XKR4: variants seen among roughly 807,000 people sequenced by gnomAD.
XKR4 encodes the protein XK related 4, also known as XK-related protein 4.
A neutral mutation model predicts 53.9 loss-of-function variants in XKR4; 12 were observed. The ratio of observed to expected loss-of-function variants is 0.22; its 90% CI spans 0.14 to 0.36. The LOEUF (loss-of-function observed/expected upper bound fraction) is 0.36. Among genes scored for constraint, XKR4 ranks in the 10% least tolerant of loss-of-function variants. The probability of loss-of-function intolerance (pLI) is 1.00; values close to 1 mark genes in which losing one functional copy is unlikely to be tolerated. For missense variants in XKR4, 799 were observed against 859.5 expected (o/e 0.93, Z 0.88); for synonymous variants, 354 against 362.4 (o/e 0.98, Z 0.26).
rs1319700613 is a variant in XKR4, at chr8:55,420,812, A to AAATAAATAAATAAATAAATAAAT, written c.1006+62949_1006+62950insTAAATAAATAATAAATAAATAAA. Among the ~76,000 whole-genome samples the AAATAAATAAATAAATAAATAAAT allele has an allele frequency of 1.6e-4, 24 of 151,714 alleles. 1 individual carries two copies. In the South Asian group the frequency reaches 5.0e-3, roughly 32 times the overall value. ...ATAATAAATAGATAAATAAATAAAT[A>AAATAAATAAATAAATAAATAAAT]AATAAATAAATAAAAAAGAAAGATC... On this transcript the variant is annotated intron_variant, in intron 2 of 2. Coordinates refer to ENST00000327381, the MANE Select transcript of XKR4 (RefSeq NM_052898.2).
intron 1 of XKR4, among the ~76,000 whole-genome samples, chr8:55,247,133 G>T (rs554490256): frequency 6.6e-6 from 1 of 152,166 alleles, no homozygotes; most frequent in Non-Finnish European, 1.5e-5. Flanking sequence ...CCAAAGAGGA[G>T]AAATTAGGTT....
chr8:55,187,908 T>C (rs1180127399), intron 1 of XKR4, among the ~76,000 whole-genome samples: 1 of 152,240 alleles, frequency 6.6e-6, no homozygotes, highest in African/African-American at 2.4e-5. Flanking sequence ...CGATTAATTA[T>C]ATAAACCATT....
chr8:55,291,925 A>G (rs777917522), intron 1 of XKR4, among the ~76,000 whole-genome samples: 3 of 152,128 alleles, frequency 2.0e-5, no homozygotes, highest in Non-Finnish European at 4.4e-5. Flanking sequence ...AATGCTTTTT[A>G]TGAATAATTT....
At chr8:55,154,367 C>T (rs911252764) in intron 1 of XKR4, among the ~76,000 whole-genome samples, 2 of 152,148 alleles carry the variant, frequency 1.3e-5, no homozygotes, top group Non-Finnish European at 2.9e-5. Context: ...TGATGCTTTC[C>T]ATATAATATC....
intron 1 of XKR4, among the ~76,000 whole-genome samples, chr8:55,250,784 C>T (rs1818352052): frequency 6.6e-6 from 1 of 152,190 alleles, no homozygotes; most frequent in South Asian, 2.1e-4. Context: ...GAAGTGAAGA[C>T]AACACTTAAA....
chr8:55,359,952 C>T (rs558000709), intron 2 of XKR4, among the ~76,000 whole-genome samples: 2 of 152,268 alleles, frequency 1.3e-5, no homozygotes, highest in South Asian at 2.1e-4. Context: ...GACACATATA[C>T]GTCAGGTGTA....
chr8:55,339,156 G>A (rs1027606911), intron 1 of XKR4, among the ~76,000 whole-genome samples: 2 of 152,146 alleles, frequency 1.3e-5, no homozygotes, highest in African/African-American at 2.4e-5. Flanking sequence ...CTGGAAACGC[G>A]AGGCTGTTTG....
chr8:55,538,879 C>T lies in XKR4; in HGVS notation c.*14652C>T, dbSNP rs918230833. The T allele has an allele frequency of 4.6e-5, 7 of 152,166 alleles. No homozygotes were observed. The East Asian group carries it at 5.8e-4, about 13-fold the overall frequency. The allele number at this position is 152,166 out of a possible 1,614,324, so 9.4% of individuals were successfully genotyped here. A position where few individuals can be genotyped will look rare whatever the true frequency, so the allele number is the denominator to read the frequency against. On this transcript the variant is annotated 3_prime_UTR_variant, in exon 3 of 3. Transcript: ENST00000327381. ...ACATCTTTACAACACAATAAAAGAA[C>T]GTAAAGCCTTATTTCCACCTGTAAC...
intron 1 of XKR4, among the ~76,000 whole-genome samples, chr8:55,113,450 C>T (rs1195591429): frequency 6.6e-6 from 1 of 152,176 alleles, no homozygotes; most frequent in Non-Finnish European, 1.5e-5. Flanking sequence ...TACATCACAG[C>T]TAAGCTTAAA....
rs1804036769 is a variant in XKR4 at position 55,369,367 on chromosome 8, A to AAGAGG, written c.1006+11492_1006+11493insAGGAG. ...TGAGAAAGGAAAGGGAAGGGAAGGG[A>AAGAGG]AGGGGAGGGGAGGGGAGGGGAGGGG... On this transcript the variant is annotated intron_variant, in intron 2 of 2. Transcript: ENST00000327381. Among the ~76,000 whole-genome samples, 15 of 29,920 alleles carry AAGAGG rather than the reference A, an allele frequency of 5.0e-4. 1 individual carries two copies. The Admixed American group carries it at 8.9e-3, about 18-fold the overall frequency. The allele number at this position is 29,920 out of a possible 152,430, so 19.6% of individuals were successfully genotyped here. A position where few individuals can be genotyped will look rare whatever the true frequency, so the allele number is the denominator to read the frequency against.
intron 1 of XKR4, among the ~76,000 whole-genome samples, chr8:55,233,433 AG>A (rs1280165495): frequency 6.6e-6 from 1 of 151,556 alleles, no homozygotes; most frequent in Non-Finnish European, 1.5e-5. Context: ...GGCCAGAGAT[AG>A]CTACCTTTCA....
intron 1 of XKR4, among the ~76,000 whole-genome samples, chr8:55,348,013 C>T (rs1487848330): frequency 6.6e-6 from 1 of 152,150 alleles, no homozygotes; most frequent in Non-Finnish European, 1.5e-5. Flanking sequence ...TCCACCCTAC[C>T]TAGCCCCCAG....
At chr8:55,110,155 G>A (rs1816212082) in intron 1 of XKR4, among the ~76,000 whole-genome samples, 1 of 152,178 alleles carries the variant, frequency 6.6e-6, no homozygotes, top group Non-Finnish European at 1.5e-5. Context: ...GTGCTAGTCA[G>A]GAGGGAATGT....
At chr8:55,341,721 A>T (rs1308011116) in intron 1 of XKR4, among the ~76,000 whole-genome samples, 1 of 152,226 alleles carries the variant, frequency 6.6e-6, no homozygotes, top group Non-Finnish European at 1.5e-5. Flanking sequence ...TAGGTGGACA[A>T]CAGGCCGGCT....
chr8:55,380,104 C>T (rs981601897), intron 2 of XKR4, among the ~76,000 whole-genome samples: 2 of 152,200 alleles, frequency 1.3e-5, no homozygotes, highest in African/African-American at 2.4e-5. Context: ...AATTGCCTGT[C>T]CCTGCTGTCT....
intron 2 of XKR4, chr8:55,453,874 G>C: frequency 1.8e-6 from 1 of 561,742 alleles, no homozygotes; most frequent in Non-Finnish European, 3.4e-6. Flanking sequence ...CCGTGGGGCA[G>C]TACGGGACCC....
intron 2 of XKR4, among the ~76,000 whole-genome samples, chr8:55,407,781 T>A (rs1804709022): frequency 6.6e-6 from 1 of 152,270 alleles, no homozygotes; most frequent in Admixed American, 6.5e-5. Flanking sequence ...AATATTTCAG[T>A]TAAGCAGTCT....
At position 55,441,242 on chromosome 8, in the gene XKR4, G is replaced by GAA. The variant is rs11393915; in HGVS notation, c.1007-82034_1007-82033dup. Among the ~76,000 whole-genome samples, 8 of 151,326 alleles carry GAA rather than the reference G, an allele frequency of 5.3e-5. No individual in the cohort carries two copies. The South Asian group carries it at 1.7e-3, about 32-fold the overall frequency. Reference sequence around the variant, plus strand: ...GTGACAGGGTAAGACCCTGTCTCAAGAAAAAACATAAAAAAATAAAGTACA... The same window carrying GAA: ...GTGACAGGGTAAGACCCTGTCTCAAGAAAAAAAACATAAAAAAATAAAGTACA... On this transcript the variant is annotated intron_variant, in intron 2 of 2. Transcript: ENST00000327381.
intron 2 of XKR4, among the ~76,000 whole-genome samples, chr8:55,428,180 T>C (rs990213931): frequency 3.3e-5 from 5 of 152,200 alleles, no homozygotes; most frequent in Non-Finnish European, 7.3e-5. Context: ...CTGGACATTA[T>C]ATATAAAGCA....
Sources: allele counts gnomAD v4.1 joint callset (sites outside exome capture counted in the v4.1 genomes callset), GRCh38; gene constraint gnomAD v4.1.1; transcripts MANE v1.5; gene names NCBI Gene and HGNC (gene_info 2026-07-23, HGNC 2026-07-21).